ANKRD13C: variants seen among roughly 807,000 people sequenced by gnomAD.
The protein encoded by ANKRD13C is ankyrin repeat domain-containing protein 13C.
Under a neutral mutation model 65.5 loss-of-function variants are expected in ANKRD13C, and 16 were observed. The ratio of observed to expected loss-of-function variants is 0.24; its 90% confidence interval spans 0.17 to 0.37. ANKRD13C has a LOEUF of 0.37. Ranked by LOEUF, ANKRD13C falls within the 10% of genes least tolerant of loss-of-function variation. ANKRD13C has a pLI of 1.00. For synonymous variants in ANKRD13C, 235 were observed against 238.7 expected, an observed-to-expected ratio of 0.98 and a Z score of 0.14; for missense variants, 503 against 655.9, an observed-to-expected ratio of 0.77 and a Z score of 2.55.
chr1:70,308,629 C>T (rs1224972378), intron 5 of ANKRD13C, among the ~76,000 whole-genome samples: 1 of 151,266 alleles, frequency 6.6e-6, no homozygotes, highest in Non-Finnish European at 1.5e-5. Context: ...GTCCCAGCTA[C>T]TCAGGAGGCT....
At chr1:70,339,648 A>G (rs1205096580) in intron 1 of ANKRD13C, among the ~76,000 whole-genome samples, 2 of 151,924 alleles carry the variant, frequency 1.3e-5, no homozygotes, top group East Asian at 3.9e-4. Flanking sequence ...GCATTTTGAC[A>G]AACTAAATTT....
chr1:70,330,383 C>T (rs927576345), intron 2 of ANKRD13C, among the ~76,000 whole-genome samples: 1 of 151,744 alleles, frequency 6.6e-6, no homozygotes, highest in Non-Finnish European at 1.5e-5. Flanking sequence ...CATGGCAAAA[C>T]CCTGTCTCTA....
At chr1:70,341,219 G>T (rs1203774776) in intron 1 of ANKRD13C, among the ~76,000 whole-genome samples, 2 of 152,098 alleles carry the variant, frequency 1.3e-5, no homozygotes, top group Non-Finnish European at 2.9e-5. Flanking sequence ...ACGTCCTGAT[G>T]TTTTAGATAT....
intron 2 of ANKRD13C, among the ~76,000 whole-genome samples, 164 bp from the exon 3 acceptor site, chr1:70,325,121 C>T (rs1681479559): frequency 6.6e-6 from 1 of 152,114 alleles, no homozygotes; most frequent in Non-Finnish European, 1.5e-5. Context: ...TCTAACTAAA[C>T]CAGGTAATTT....
At chr1:70,342,443 C>T (rs558185039) in intron 1 of ANKRD13C, among the ~76,000 whole-genome samples, 1 of 152,076 alleles carries the variant, frequency 6.6e-6, no homozygotes, top group Admixed American at 6.6e-5. Flanking sequence ...GAGGCTGAGG[C>T]AGGAGAATCG....
intron 3 of ANKRD13C, among the ~76,000 whole-genome samples, chr1:70,316,048 A>G (rs911885251): frequency 6.6e-6 from 1 of 152,324 alleles, no homozygotes; most frequent in Non-Finnish European, 1.5e-5. Flanking sequence ...CTCAAAAACA[A>G]CAGATCTCAA....
At chr1:70,352,384 G>A (rs1682784541) in intron 1 of ANKRD13C, among the ~76,000 whole-genome samples, 1 of 150,232 alleles carries the variant, frequency 6.7e-6, no homozygotes, top group Admixed American at 6.6e-5. Context: ...GTGGGCTAAG[G>A]ACAAGAGTTT....
At chr1:70,326,872 G>GAA (rs367782768) in intron 2 of ANKRD13C, among the ~76,000 whole-genome samples, 2 of 145,190 alleles carry the variant, frequency 1.4e-5, no homozygotes, top group Admixed American at 6.9e-5. Flanking sequence ...ATAACACATT[G>GAA]AAAAAAAAAA....
intron 1 of ANKRD13C, among the ~76,000 whole-genome samples, chr1:70,336,875 G>A (rs921027586): frequency 1.3e-5 from 2 of 152,124 alleles, no homozygotes; most frequent in Non-Finnish European, 2.9e-5. Context: ...TCCTATAGTT[G>A]ATGTTATAGA....
intron 3 of ANKRD13C, among the ~76,000 whole-genome samples, chr1:70,317,600 G>A (rs1033291297): frequency 5.9e-5 from 9 of 152,080 alleles, no homozygotes; most frequent in Non-Finnish European, 1.2e-4. Flanking sequence ...AATCCAAAAA[G>A]TCTGAGAATC....
At chr1:70,290,237 C>A (rs1416821577) in intron 9 of ANKRD13C, among the ~76,000 whole-genome samples, 1 of 152,022 alleles carries the variant, frequency 6.6e-6, no homozygotes, top group East Asian at 1.9e-4. Context: ...AAATGTTTTA[C>A]TGACAAACAT....
intron 2 of ANKRD13C, among the ~76,000 whole-genome samples, chr1:70,326,320 C>A (rs1681543918): frequency 6.7e-6 from 1 of 148,556 alleles, no homozygotes. Context: ...TACCAAATGT[C>A]CATTATATGC....
In ANKRD13C at chr1:70,276,822, G is replaced by A. The variant is rs145098318; in HGVS notation, c.1238C>T (p.Thr413Ile). The change falls in exon 10 of 13, where the codon ACA (threonine) becomes ATA (isoleucine). Residue 413 changes from threonine (T) to isoleucine (I), a missense_variant. Thr to Ile is a moderately conservative substitution (Grantham distance 89, BLOSUM62 -1). Coordinates refer to ENST00000370944, the MANE Select transcript of ANKRD13C (RefSeq NM_030816.5). ...NFEPIRRQSLTPPPQNTITWE... is the reference protein window; with the variant it reads ...NFEPIRRQSLIPPPQNTITWE... ...TGTAATAGTGTTCTGAGGAGGAGGTGTAAGAGACTGTCTTCGAATCGGCTG... is the reference window on the plus strand; with the variant it reads ...TGTAATAGTGTTCTGAGGAGGAGGTATAAGAGACTGTCTTCGAATCGGCTG... 139 of 1,599,550 alleles carry A rather than the reference G, an allele frequency of 8.7e-5. No individual in the cohort carries two copies. In the African/African-American group the frequency reaches 1.8e-3, roughly 21 times the overall value.
intron 6 of ANKRD13C, among the ~76,000 whole-genome samples, chr1:70,301,771 A>G (rs1680365907): frequency 6.6e-6 from 1 of 152,210 alleles, no homozygotes; most frequent in African/African-American, 2.4e-5. Context: ...ACTTGCCGAA[A>G]TTAGGAAAAA....
intron 9 of ANKRD13C, among the ~76,000 whole-genome samples, chr1:70,277,117 C>T (rs1341554118): frequency 1.3e-5 from 2 of 151,994 alleles, no homozygotes; most frequent in African/African-American, 2.4e-5. Context: ...CTAAAATGTT[C>T]CTGTCATTAT....
intron 11 of ANKRD13C, among the ~76,000 whole-genome samples, chr1:70,273,392 G>A (rs1486742357): frequency 6.6e-6 from 1 of 152,102 alleles, no homozygotes; most frequent in Admixed American, 6.5e-5. Context: ...TAAAACTATA[G>A]TTGTATCAGT....
At chr1:70,349,210 T>C (rs573591588) in intron 1 of ANKRD13C, among the ~76,000 whole-genome samples, 3 of 152,314 alleles carry the variant, frequency 2.0e-5, no homozygotes, top group South Asian at 4.1e-4. Flanking sequence ...CAAAAATTGA[T>C]TCAGAAAAAT....
rs758141807 is a variant in ANKRD13C at position 70,292,506 on chromosome 1, C to G, written c.1097G>C (p.Gly366Ala). Residue 366 changes from glycine to alanine, a missense_variant, in exon 9 of 13, where the codon GGA becomes GCA. By Grantham distance (60) the Gly-to-Ala change is moderately conservative. Around this residue, in one of 2 missense-constraint regions of ANKRD13C, gnomAD observed 300 missense variants for 478.3 expected, o/e 0.63. Coordinates refer to ENST00000370944, the MANE Select transcript of ANKRD13C (RefSeq NM_030816.5). ...TCTTTTCCTTGATTCTAAAACAAGT[C>G]CATTCACCAGGTAAAAGTCTGCCAA... ...NFLADFYLVNGLVLESRKRRE... is the reference protein window; with the variant it reads ...NFLADFYLVNALVLESRKRRE... 6.2e-7 allele frequency: 1 copy of G among 1,605,050 alleles called. No homozygotes were observed.
intron 11 of ANKRD13C, among the ~76,000 whole-genome samples, chr1:70,273,501 A>G (rs1678986880): frequency 6.6e-6 from 1 of 152,304 alleles, no homozygotes; most frequent in South Asian, 2.1e-4. Context: ...GATATATTCA[A>G]TATGTTTACC....
Sources: allele counts gnomAD v4.1 joint callset (sites outside exome capture counted in the v4.1 genomes callset), GRCh38; gene constraint gnomAD v4.1.1; regional missense constraint gnomAD v4.1.1; transcripts MANE v1.5; gene names NCBI Gene and HGNC (gene_info 2026-07-23, HGNC 2026-07-21).